Variants in CSMD1 observed in about 807,000 individuals in gnomAD.
CSMD1 encodes the protein CUB and sushi domain-containing protein 1.
A neutral mutation model predicts 417.5 loss-of-function variants in CSMD1; 213 were observed. The observed-to-expected ratio is 0.51, with a 90% confidence interval of 0.46 to 0.57. CSMD1 has a LOEUF of 0.57. Ranked by LOEUF, CSMD1 falls within the 20% of genes least tolerant of loss-of-function variation. The pLI is 0.00. For missense variants in CSMD1, 6,923 were observed against 4,529.7 expected (o/e 1.53, Z -15.17); for synonymous variants, 2,862 against 1,736.8 (o/e 1.65, Z -16.11).
chr8:3,076,410 C>T (rs961987735), intron 49 of CSMD1, among the ~76,000 whole-genome samples: 25 of 73,588 alleles, frequency 3.4e-4, no homozygotes, highest in African/African-American at 1.8e-3. Flanking sequence ...TCTCCAAATA[C>T]AGTCCCATTC....
intron 5 of CSMD1, among the ~76,000 whole-genome samples, chr8:3,808,210 C>T (rs542263536): frequency 2.0e-5 from 3 of 152,212 alleles, no homozygotes; most frequent in Middle Eastern, 3.4e-3. Context: ...CATCTGTGAT[C>T]TAAAATATAC....
At chr8:3,399,839 G>A (rs781062641) in intron 15 of CSMD1, among the ~76,000 whole-genome samples, 3 of 152,122 alleles carry the variant, frequency 2.0e-5, no homozygotes, top group Admixed American at 6.5e-5. Context: ...TACATGCCCG[G>A]TTATCTATAG....
intron 3 of CSMD1, among the ~76,000 whole-genome samples, chr8:4,258,090 C>T (rs991500823): frequency 1.3e-4 from 20 of 151,528 alleles, no homozygotes; most frequent in Admixed American, 6.6e-5. Flanking sequence ...ACTACAGGCC[C>T]GTGCTACCAT....
chr8:4,127,548 C>G (rs1802840051), intron 3 of CSMD1, among the ~76,000 whole-genome samples: 1 of 150,608 alleles, frequency 6.6e-6, no homozygotes, highest in Non-Finnish European at 1.5e-5. Context: ...TTTTCCTAGT[C>G]AGTTTTCCTT....
chr8:4,704,269 G>A (rs918751539), intron 1 of CSMD1, among the ~76,000 whole-genome samples: 1 of 152,150 alleles, frequency 6.6e-6, no homozygotes, highest in Non-Finnish European at 1.5e-5. Flanking sequence ...AAGTATACTT[G>A]GAAAACAGAG....
chr8:4,623,209 A>T (rs1801881484), intron 2 of CSMD1, among the ~76,000 whole-genome samples: 1 of 152,178 alleles, frequency 6.6e-6, no homozygotes, highest in South Asian at 2.1e-4. Flanking sequence ...ACCAAGGAAG[A>T]TATCTGAATG....
chr8:4,496,361 G>C (rs537650036), intron 2 of CSMD1, among the ~76,000 whole-genome samples: 2 of 152,140 alleles, frequency 1.3e-5, no homozygotes, highest in Non-Finnish European at 2.9e-5. Context: ...GATCAGCAGC[G>C]CAGGAGTCCA....
intron 1 of CSMD1, among the ~76,000 whole-genome samples, chr8:4,659,426 T>A (rs984990420): frequency 6.6e-6 from 1 of 152,108 alleles, no homozygotes; most frequent in African/African-American, 2.4e-5. Flanking sequence ...AAACATAATG[T>A]GACATAGACT....
At chr8:3,654,697 G>T (rs1241291158) in intron 7 of CSMD1, among the ~76,000 whole-genome samples, 9 of 152,210 alleles carry the variant, frequency 5.9e-5, no homozygotes, top group Admixed American at 5.9e-4. Context: ...TCGGGTCAGA[G>T]CCAGCACAGG....
intron 5 of CSMD1, among the ~76,000 whole-genome samples, chr8:3,899,532 G>A (rs755300768): frequency 6.6e-6 from 1 of 152,038 alleles, no homozygotes; most frequent in Admixed American, 6.6e-5. Context: ...TAAGGAAGTG[G>A]AAAAACATCT....
At chr8:4,437,680 A>G (rs1347525143) in intron 2 of CSMD1, among the ~76,000 whole-genome samples, 2 of 152,180 alleles carry the variant, frequency 1.3e-5, no homozygotes, top group Admixed American at 6.5e-5. Flanking sequence ...CCTAATATTT[A>G]TAAGACCTTT....
chr8:4,944,072 G>C lies in CSMD1; in HGVS notation c.85+50260C>G, dbSNP rs140498550. On this transcript the variant is annotated intron_variant, in intron 1 of 69. Transcript: ENST00000635120. ...AAAGAAGTGAGGAAGATGTTTGATA[G>C]ACAGGAGGAAGTTTGGAGTAGAAGG... 1.6e-4 allele frequency among the ~76,000 whole-genome samples: 25 copies of C among 152,274 alleles called. No homozygotes were observed. In the East Asian group the frequency reaches 1.9e-3, roughly 12 times the overall value.
At chr8:3,423,325 G>C (rs1016013618) in intron 12 of CSMD1, among the ~76,000 whole-genome samples, 1 of 152,142 alleles carries the variant, frequency 6.6e-6, no homozygotes, top group African/African-American at 2.4e-5. Context: ...TCCATTTTCA[G>C]TCCATTTTTT....
rs1287331129 is a variant in CSMD1, at chr8:4,102,685, T to G, written c.416-70586A>C. ...TAAATACTCCAATATTCAGGACATTTACTGATAATGTTCTCCTAAAATGTA... is the reference window on the plus strand; with the variant it reads ...TAAATACTCCAATATTCAGGACATTGACTGATAATGTTCTCCTAAAATGTA... On this transcript the variant is annotated intron_variant, in intron 3 of 69. Coordinates refer to ENST00000635120, the MANE Select transcript of CSMD1 (RefSeq NM_033225.6). Among the ~76,000 whole-genome samples the G allele has an allele frequency of 2.0e-5, 3 of 152,336 alleles. No homozygotes were observed. The East Asian group carries it at 5.8e-4, about 29-fold the overall frequency.
chr8:3,691,085 G>A (rs779226800), intron 7 of CSMD1, among the ~76,000 whole-genome samples: 1 of 152,016 alleles, frequency 6.6e-6, no homozygotes, highest in East Asian at 1.9e-4. Context: ...TGTATCAATG[G>A]GCCGGGCTTG....
intron 2 of CSMD1, among the ~76,000 whole-genome samples, chr8:4,584,298 G>C (rs1799592811): frequency 6.6e-6 from 1 of 151,888 alleles, no homozygotes; most frequent in African/African-American, 2.4e-5. Context: ...CAATCGCCGA[G>C]TGGTGAGACC....
At chr8:3,517,955 G>A (rs1326450078) in intron 10 of CSMD1, among the ~76,000 whole-genome samples, 2 of 152,034 alleles carry the variant, frequency 1.3e-5, no homozygotes, top group Admixed American at 6.5e-5. Context: ...AAATCTTCAT[G>A]AATTATTAAA....
intron 5 of CSMD1, among the ~76,000 whole-genome samples, chr8:3,873,690 T>G (rs1034344150): frequency 1.3e-5 from 2 of 152,034 alleles, no homozygotes; most frequent in African/African-American, 4.8e-5. Context: ...TCCCTGAACT[T>G]AAAATAAAAG....
rs1805051478 is a variant in CSMD1 at position 3,308,347 on chromosome 8, C to T, written c.3788G>A (p.Arg1263Lys). 2 of 1,613,346 alleles carry T rather than the reference C, an allele frequency of 1.2e-6. No individual in the cohort carries two copies. The highest frequency in any genetic ancestry group is 1.7e-6 in the Non-Finnish European group (2 of 1,179,488). ...AGGTAGTGGTTTGTCCCACACTCTC[C>T]TGTCTCCACTCAAACAGGTCAGGGT... ...SNTLTCLSGD[R>K]RVWDKPLPSC... The change falls in exon 24 of 70, where the codon AGG becomes AAG. Residue 1263 changes from arginine to lysine, a missense_variant. Transcript: ENST00000635120.
Sources: gnomAD v4.1 joint callset for allele counts (sites outside exome capture counted in the v4.1 genomes callset) on GRCh38, gnomAD v4.1.1 for gene constraint, MANE v1.5 for transcripts, NCBI Gene and HGNC (gene_info 2026-07-23, HGNC 2026-07-21) for gene names.